Variants in MACROD2 observed in about 807,000 individuals in gnomAD.
MACROD2 encodes ADP-ribose glycohydrolase MACROD2.
Under a neutral mutation model 70.4 loss-of-function variants are expected in MACROD2, and 36 were observed. That is an observed-to-expected ratio of 0.51 (90% CI 0.39 to 0.68). MACROD2 has a LOEUF of 0.68. Ranked by LOEUF, MACROD2 falls within the 30% of genes least tolerant of loss-of-function variation. The pLI is 0.00. For missense variants in MACROD2, 496 were observed against 538.4 expected (o/e 0.92, Z 0.78); for synonymous variants, 172 against 178.8 (o/e 0.96, Z 0.30).
intron 4 of MACROD2, among the ~76,000 whole-genome samples, chr20:14,596,928 T>C (rs2054163704): frequency 6.6e-6 from 1 of 152,214 alleles, no homozygotes; most frequent in African/African-American, 2.4e-5. Flanking sequence ...CCAGAATTAC[T>C]TCTATTGTGT....
chr20:14,082,848 A>G (rs2054017463), intron 2 of MACROD2, among the ~76,000 whole-genome samples: 2 of 152,144 alleles, frequency 1.3e-5, no homozygotes, highest in African/African-American at 2.4e-5. Context: ...TCATTTAACA[A>G]TCGTTAATGG....
At chr20:14,278,268 C>A (rs1164038320) in intron 3 of MACROD2, among the ~76,000 whole-genome samples, 1 of 152,194 alleles carries the variant, frequency 6.6e-6, no homozygotes, top group African/African-American at 2.4e-5. Flanking sequence ...CAAAGGTATT[C>A]AGATACATAC....
intron 2 of MACROD2, among the ~76,000 whole-genome samples, chr20:14,078,564 G>A (rs369716863): frequency 2.0e-4 from 30 of 152,052 alleles, no homozygotes; most frequent in African/African-American, 2.7e-4. Flanking sequence ...CTACCACCAC[G>A]CCTGGCTAAT....
chr20:15,138,875 ATTTG>A (rs2076170781), intron 5 of MACROD2, among the ~76,000 whole-genome samples: 1 of 152,114 alleles, frequency 6.6e-6, no homozygotes, highest in South Asian at 2.1e-4. Context: ...GAATATTTTC[ATTTG>A]TTTGTTTATT....
intron 3 of MACROD2, among the ~76,000 whole-genome samples, chr20:14,467,017 G>T (rs557230074): frequency 6.6e-6 from 1 of 152,286 alleles, no homozygotes; most frequent in South Asian, 2.1e-4. Flanking sequence ...CCCATTCTCA[G>T]ATCTCAAACT....
chr20:15,375,630 G>A (rs2045551868), intron 6 of MACROD2, among the ~76,000 whole-genome samples: 1 of 152,092 alleles, frequency 6.6e-6, no homozygotes, highest in African/African-American at 2.4e-5. Context: ...GTTGATCAGA[G>A]TTAGCTTTCT....
At chr20:14,127,250 A>G (rs2054663165) in intron 3 of MACROD2, 1 of 224,616 alleles carries the variant, frequency 4.5e-6, no homozygotes, top group Non-Finnish European at 8.6e-6. Context: ...CCCTTATGCC[A>G]TAGCCTAATT....
chr20:14,829,516 C>G (rs1336597324), intron 5 of MACROD2, among the ~76,000 whole-genome samples: 1 of 152,016 alleles, frequency 6.6e-6, no homozygotes, highest in East Asian at 1.9e-4. Context: ...CTCATTTTTT[C>G]ACCTGAGCCA....
chr20:15,396,933 G>A (rs923714632), intron 6 of MACROD2, among the ~76,000 whole-genome samples: 1 of 152,130 alleles, frequency 6.6e-6, no homozygotes, highest in African/African-American at 2.4e-5. Context: ...AGAGCAGAAC[G>A]GTGCATTCCA....
chr20:14,196,856 A>T (rs1319233118), intron 3 of MACROD2, among the ~76,000 whole-genome samples: 1 of 152,258 alleles, frequency 6.6e-6, no homozygotes, highest in Non-Finnish European at 1.5e-5. Context: ...CAGAAAAACT[A>T]GAAACTGATT....
At chr20:14,591,358 T>C (rs868719421) in intron 4 of MACROD2, among the ~76,000 whole-genome samples, 2 of 152,246 alleles carry the variant, frequency 1.3e-5, no homozygotes, top group Admixed American at 6.5e-5. Context: ...CAAATTATTA[T>C]ATATCAACTT....
At chr20:14,337,368 G>A (rs1162981752) in intron 3 of MACROD2, 2 of 316,338 alleles carry the variant, frequency 6.3e-6, no homozygotes, top group Admixed American at 1.0e-4. Context: ...CAAACTTTCT[G>A]GGACAATCAT....
At chr20:14,718,032 C>T (rs1191126361) in intron 5 of MACROD2, among the ~76,000 whole-genome samples, 6 of 151,946 alleles carry the variant, frequency 3.9e-5, no homozygotes, top group African/African-American at 1.5e-4. Context: ...CGGTGGCTCG[C>T]GCCTGTAATC....
intron 5 of MACROD2, among the ~76,000 whole-genome samples, chr20:14,783,319 C>T (rs1226195535): frequency 1.3e-5 from 2 of 152,096 alleles, no homozygotes; most frequent in Non-Finnish European, 2.9e-5. Context: ...TTAAGATTAT[C>T]ATGTAGCTTT....
intron 6 of MACROD2, among the ~76,000 whole-genome samples, chr20:15,392,304 T>C (rs1240353208): frequency 6.6e-6 from 1 of 152,208 alleles, no homozygotes; most frequent in Non-Finnish European, 1.5e-5. Context: ...ACTTTTATTA[T>C]GATTGGTTTT....
chr20:15,227,932 T>C (rs1042910341), intron 5 of MACROD2, among the ~76,000 whole-genome samples: 1 of 150,302 alleles, frequency 6.7e-6, no homozygotes, highest in African/African-American at 2.4e-5. Context: ...GTTATTCTGG[T>C]TCAATTTTTC....
intron 6 of MACROD2, among the ~76,000 whole-genome samples, chr20:15,331,844 G>T (rs1034158528): frequency 6.6e-6 from 1 of 151,312 alleles, no homozygotes; most frequent in African/African-American, 2.4e-5. Context: ...CTTCTCTAGG[G>T]TAATTTTCAG....
At chr20:14,727,266 C>T (rs1278910077) in intron 5 of MACROD2, among the ~76,000 whole-genome samples, 1 of 152,138 alleles carries the variant, frequency 6.6e-6, no homozygotes, top group Non-Finnish European at 1.5e-5. Context: ...GGCAGTGGCT[C>T]ATGCCTGTAA....
At chr20:15,863,175 C>T (rs192281475) in intron 9 of MACROD2, among the ~76,000 whole-genome samples, 5 of 151,946 alleles carry the variant, frequency 3.3e-5, no homozygotes, top group African/African-American at 1.2e-4. Context: ...TTACCAGGCC[C>T]CATGCCTGCA....
Sources: allele counts gnomAD v4.1 joint callset (sites outside exome capture counted in the v4.1 genomes callset), GRCh38; gene constraint gnomAD v4.1.1; transcripts MANE v1.5; gene names NCBI Gene and HGNC (gene_info 2026-07-23, HGNC 2026-07-21).